The following MARCHF7 variants were observed in gnomAD, a reference collection of about 807,000 sequenced individuals.
The protein encoded by MARCHF7 is E3 ubiquitin-protein ligase MARCHF7.
Under a neutral mutation model 76.5 loss-of-function variants are expected in MARCHF7, and 20 were observed. That is an observed-to-expected ratio of 0.26 (90% CI 0.18 to 0.38). The LOEUF is 0.38. Ranked by LOEUF, MARCHF7 falls within the 10% of genes least tolerant of loss-of-function variation. MARCHF7 has a pLI of 1.00. For synonymous variants in MARCHF7, 295 were observed against 293.0 expected (o/e 1.01, Z -0.07); for missense variants, 797 against 812.9 (o/e 0.98, Z 0.24).
At chr2:159,732,102 T>C (rs1319169212) in intron 4 of MARCHF7, among the ~76,000 whole-genome samples, 1 of 151,740 alleles carries the variant, frequency 6.6e-6, no homozygotes, top group Non-Finnish European at 1.5e-5. Flanking sequence ...AGACTCTGTC[T>C]CAAAAAAAAC....
intron 8 of MARCHF7, among the ~76,000 whole-genome samples, chr2:159,755,276 G>T (rs1480580527): frequency 6.8e-6 from 1 of 146,098 alleles, no homozygotes; most frequent in African/African-American, 2.5e-5. Context: ...ATTGTGATGA[G>T]GTCAAGGGTA....
rs1349403261 is a variant in MARCHF7, at chr2:159,712,539, C to T, written c.-210C>T. ...GCCGGATCCGGGAGAGGGGCGGGCG[C>T]CATTGTGCTTCGCTGCCGACTGCAT... On this transcript the variant is annotated 5_prime_UTR_variant, in exon 1 of 12. Transcript: ENST00000409175. 5 of 152,638 alleles carry T rather than the reference C, an allele frequency of 3.3e-5. No homozygotes were observed. The highest frequency in any genetic ancestry group is 1.2e-4 in the African/African-American group (5 of 41,414). The allele number at this position is 152,638 out of a possible 1,614,324, so 9.5% of individuals were successfully genotyped here.
intron 7 of MARCHF7, among the ~76,000 whole-genome samples, chr2:159,751,097 G>A (rs1387114628): frequency 6.6e-6 from 1 of 152,160 alleles, no homozygotes; most frequent in East Asian, 1.9e-4. Context: ...ATGTTTGCTT[G>A]TTACAGCAGC....
intron 3 of MARCHF7, among the ~76,000 whole-genome samples, chr2:159,717,787 C>A (rs1163025508): frequency 6.6e-6 from 1 of 152,118 alleles, no homozygotes; most frequent in African/African-American, 2.4e-5. Flanking sequence ...AGAAAAAACA[C>A]ATTAATAATA....
intron 7 of MARCHF7, among the ~76,000 whole-genome samples, chr2:159,752,145 G>C (rs1429711238): frequency 6.6e-6 from 1 of 152,242 alleles, no homozygotes; most frequent in South Asian, 2.1e-4. Flanking sequence ...GAAAATAAAT[G>C]ATAGGTTAGC....
At position 159,712,862 on chromosome 2, in the gene MARCHF7, G is replaced by T. The variant is rs1013462752; in HGVS notation, c.-143+256G>T. 1.2e-4 allele frequency among the ~76,000 whole-genome samples: 19 copies of T among 152,368 alleles called. No individual in the cohort carries two copies. The East Asian group carries it at 2.9e-3, about 23-fold the overall frequency. ...TCCCTTGCCAGGGGCCTTTGGTCGG[G>T]TGGTGGAGTTTGTGGCGGGTGCAGG... is the stretch of plus-strand genomic sequence containing the variant. On this transcript the variant is annotated intron_variant, in intron 1 of 11. Transcript: ENST00000409175.
rs564688446 is a variant in MARCHF7, at chr2:159,745,866, G to A, written c.443G>A (p.Arg148Lys). 4 of 1,613,028 alleles carry A rather than the reference G, an allele frequency of 2.5e-6. No individual in the cohort carries two copies. In the South Asian group the frequency reaches 4.4e-5, roughly 18 times the overall value. ...ATGAGAGAGAGGAGAGATTTGGAGA[G>A]AAGAACAGATTCCTCTATTAGTAAT... ...DLMRERRDLE[R>K]RTDSSISNLM... Residue 148 changes from arginine (R) to lysine (K), a missense_variant, in exon 6 of 12, where the codon AGA becomes AAA. Arg to Lys is a conservative substitution (Grantham distance 26). This residue lies in a region of MARCHF7 where 643 missense variants were observed against 631.5 expected (regional missense o/e 1.02). Transcript: ENST00000409175.
chr2:159,738,915 T>G (rs1703789263), intron 4 of MARCHF7, among the ~76,000 whole-genome samples: 1 of 152,228 alleles, frequency 6.6e-6, no homozygotes, highest in Non-Finnish European at 1.5e-5. Context: ...AAGGGATGCC[T>G]GCAGACCCAT....
intron 3 of MARCHF7, among the ~76,000 whole-genome samples, chr2:159,716,757 C>T (rs1701085853): frequency 6.6e-6 from 1 of 152,118 alleles, no homozygotes. Context: ...CTGTAATCTT[C>T]CCTGGATATT....
At chr2:159,733,547 A>AT (rs35041715) in intron 4 of MARCHF7, 62,233 of 887,036 alleles carry the variant, frequency 0.07, 394 homozygotes, top group Middle Eastern at 0.15. Flanking sequence ...CAGAGGCAAC[A>AT]TTAAAAAAAA....
At chr2:159,717,039 T>G (rs998102474) in intron 3 of MARCHF7, among the ~76,000 whole-genome samples, 5 of 152,202 alleles carry the variant, frequency 3.3e-5, no homozygotes, top group South Asian at 2.1e-4. Context: ...GGCTGGGAGA[T>G]CCAAGATGGC....
At chr2:159,752,668 T>C (rs911841606) in intron 8 of MARCHF7, 97 bp downstream of exon 8, 17 of 1,108,086 alleles carry the variant, frequency 1.5e-5, no homozygotes, top group South Asian at 8.5e-5. Context: ...ATTTAGACTT[T>C]TAACAAGTGT....
Position 159,743,749 on chromosome 2 carries a change from A to AGAG in MARCHF7, c.346+496_346+497insGAG, listed in dbSNP as rs373531261. On this transcript the variant is annotated intron_variant, in intron 5 of 11. Coordinates refer to ENST00000409175, the MANE Select transcript of MARCHF7 (RefSeq NM_001282805.2). ...ACCCTGTTTCTACCAAAAAAAAAAAAAGAGAGAATTAGCTGGGCATGGTGG... is the reference window on the plus strand; with the variant it reads ...ACCCTGTTTCTACCAAAAAAAAAAAAGAGAGAGAGAATTAGCTGGGCATGGTGG... Among the ~76,000 whole-genome samples, 850 of 150,396 alleles carry AGAG rather than the reference A, an allele frequency of 5.7e-3. 8 individuals carry two copies. The highest frequency in any genetic ancestry group is 0.02 in the African/African-American group (801 of 41,060).
At chr2:159,735,935 C>T (rs1703398267) in intron 4 of MARCHF7, among the ~76,000 whole-genome samples, 1 of 152,162 alleles carries the variant, frequency 6.6e-6, no homozygotes, top group South Asian at 2.1e-4. Context: ...CAAGACCAGC[C>T]TAGGCAATAT....
At chr2:159,745,278 A>C (rs1834761) in intron 5 of MARCHF7, among the ~76,000 whole-genome samples, 52,416 of 152,110 alleles carry the variant, frequency 0.34, 9,231 homozygotes, top group South Asian at 0.44. Context: ...TAATTTTATA[A>C]GTGATTAGTT....
intron 8 of MARCHF7, among the ~76,000 whole-genome samples, chr2:159,756,820 CAA>C (rs146094519): frequency 0.042 from 6,297 of 151,700 alleles, 414 homozygotes; most frequent in African/African-American, 0.14. Flanking sequence ...TAATGAATGT[CAA>C]AAGAGTTATT....
intron 8 of MARCHF7, among the ~76,000 whole-genome samples, chr2:159,754,721 A>G (rs1264391864): frequency 6.6e-6 from 1 of 152,186 alleles, no homozygotes; most frequent in African/African-American, 2.4e-5. Flanking sequence ...AATACGAGAA[A>G]GGATATTTCC....
rs1409089669 is a variant in MARCHF7 at position 159,762,988 on chromosome 2, G to T, written c.2002G>T (p.Val668Phe). 5.0e-6 allele frequency: 8 copies of T among 1,606,812 alleles called. No individual in the cohort carries two copies. Among genetic ancestry groups the T allele is most frequent in the Non-Finnish European group, 6.8e-6 (8 of 1,175,664 alleles). ...MGNTNEPSTR[V>F]RFINLARTLQ... ...AAATACAAATGAACCAAGCACACGT[G>T]TCCGAGTAAGTAATAATGAAGTTGG... is the stretch of plus-strand genomic sequence containing the variant. The change falls in exon 10 of 12, where the codon GTC (valine) becomes TTC (phenylalanine). Residue 668 changes from valine (V) to phenylalanine (F), a missense_variant. Val to Phe is a conservative substitution (Grantham distance 50). This residue lies in a region of MARCHF7 where 124 missense variants were observed against 121.3 expected (regional missense o/e 1.02). Transcript: ENST00000409175.
intron 8 of MARCHF7, among the ~76,000 whole-genome samples, chr2:159,754,607 G>A (rs1166420269): frequency 4.6e-5 from 7 of 152,018 alleles, no homozygotes; most frequent in Non-Finnish European, 8.8e-5. Flanking sequence ...TGAGGTAGGG[G>A]ATTTTAAGGC....
Sources: allele counts gnomAD v4.1 joint callset (sites outside exome capture counted in the v4.1 genomes callset), GRCh38; gene constraint gnomAD v4.1.1; regional missense constraint gnomAD v4.1.1; transcripts MANE v1.5; gene names NCBI Gene and HGNC (gene_info 2026-07-23, HGNC 2026-07-21).